The following UGT1A10 variants were observed in gnomAD, a reference collection of about 807,000 sequenced individuals.
UGT1A10 encodes UDP glucuronosyltransferase family 1 member A10.
In UGT1A10, 49 loss-of-function variants were observed where a neutral mutation model predicts 45.8. The ratio of observed to expected loss-of-function variants is 1.07; its 90% CI spans 0.85 to 1.36. The LOEUF is 1.36. Ranked by LOEUF, UGT1A10 falls within the 40% of genes most tolerant of loss-of-function variation. The probability of loss-of-function intolerance (pLI) is 0.00; values close to 1 mark genes in which losing one functional copy is unlikely to be tolerated. For synonymous variants in UGT1A10, 284 were observed against 249.7 expected (o/e 1.14, Z -1.29); for missense variants, 745 against 668.6 (o/e 1.11, Z -1.26).
chr2:233,740,012 T>A (rs1691282549), intron 1 of UGT1A10, among the ~76,000 whole-genome samples: 1 of 151,864 alleles, frequency 6.6e-6, no homozygotes, highest in African/African-American at 2.4e-5. Flanking sequence ...AAGTGAGTTC[T>A]CATGAGAGCT....
chr2:233,758,119 CATAAAT>C (rs775438808), intron 1 of UGT1A10, among the ~76,000 whole-genome samples: 2 of 152,188 alleles, frequency 1.3e-5, no homozygotes, highest in Admixed American at 6.5e-5. Flanking sequence ...TCACACGTTC[CATAAAT>C]ATTTGGCAGA....
At chr2:233,714,498 TA>T (rs1254150300) in intron 1 of UGT1A10, among the ~76,000 whole-genome samples, 1 of 152,156 alleles carries the variant, frequency 6.6e-6, no homozygotes, top group Non-Finnish European at 1.5e-5. Flanking sequence ...AGACACTACT[TA>T]AAAAAAATTC....
intron 1 of UGT1A10, among the ~76,000 whole-genome samples, chr2:233,644,134 A>C (rs569497279): frequency 1.3e-5 from 2 of 151,998 alleles, no homozygotes; most frequent in African/African-American, 4.8e-5. Context: ...CTCACCTAAG[A>C]GTTGCAATCT....
chr2:233,751,620 T>A (rs1457712151), intron 1 of UGT1A10, among the ~76,000 whole-genome samples: 2 of 152,180 alleles, frequency 1.3e-5, no homozygotes, highest in Non-Finnish European at 2.9e-5. Flanking sequence ...GGTGATTGGA[T>A]CATGTGTGCA....
chr2:233,755,963 C>T (rs557149138), intron 1 of UGT1A10: 1 of 152,200 alleles, frequency 6.6e-6, no homozygotes, highest in South Asian at 2.1e-4. Flanking sequence ...GTACTTGGCT[C>T]TATAGAGAGG....
At chr2:233,722,501 C>T (rs767685172) in intron 1 of UGT1A10, among the ~76,000 whole-genome samples, 36 of 152,106 alleles carry the variant, frequency 2.4e-4, no homozygotes, top group Non-Finnish European at 3.8e-4. Context: ...TTTTCCGTTT[C>T]GTTAATTGCA....
At chr2:233,724,616 A>G (rs1272426600) in intron 1 of UGT1A10, among the ~76,000 whole-genome samples, 3 of 132,176 alleles carry the variant, frequency 2.3e-5, no homozygotes, top group Non-Finnish European at 4.8e-5. Flanking sequence ...CCGGGCAGAG[A>G]CGCTCCTCAC....
chr2:233,709,022 A>G (rs1052835676), intron 1 of UGT1A10, among the ~76,000 whole-genome samples: 2 of 152,110 alleles, frequency 1.3e-5, no homozygotes, highest in African/African-American at 4.8e-5. Context: ...CCCAAGCAGC[A>G]GGGGCTTCAG....
At chr2:233,734,087 C>A (rs2078476920) in intron 1 of UGT1A10, among the ~76,000 whole-genome samples, 1 of 151,836 alleles carries the variant, frequency 6.6e-6, no homozygotes, top group East Asian at 1.9e-4. Context: ...GCACATGCAC[C>A]CTAAAACTTA....
intron 1 of UGT1A10, chr2:233,718,888 A>G (rs1440717664): frequency 6.2e-7 from 1 of 1,613,998 alleles, no homozygotes; most frequent in Non-Finnish European, 8.5e-7. Context: ...CTCAGTGTCC[A>G]GCCCTGGGCT....
chr2:233,751,126 G>C (rs1694648439), intron 1 of UGT1A10, among the ~76,000 whole-genome samples: 1 of 151,986 alleles, frequency 6.6e-6, no homozygotes, highest in East Asian at 1.9e-4. Flanking sequence ...TGTCCAAGTT[G>C]CCTGAGACTG....
intron 1 of UGT1A10, among the ~76,000 whole-genome samples, chr2:233,642,486 G>A (rs545585039): frequency 2.5e-4 from 38 of 152,258 alleles, no homozygotes; most frequent in Admixed American, 1.7e-3. Flanking sequence ...CTGAAAGGTC[G>A]CTTATATCTG....
chr2:233,739,772 T>C (rs1691199757), intron 1 of UGT1A10, among the ~76,000 whole-genome samples: 1 of 152,174 alleles, frequency 6.6e-6, no homozygotes, highest in South Asian at 2.1e-4. Context: ...AGTGCTGAAA[T>C]GAGTTAAGAC....
At chr2:233,672,317 T>C (rs1348255979) in intron 1 of UGT1A10, 1 of 1,614,102 alleles carries the variant, frequency 6.2e-7, no homozygotes, top group East Asian at 2.2e-5. Context: ...AGGAGTTTGT[T>C]TAAAGACAAA....
intron 1 of UGT1A10, chr2:233,647,847 GTTTTCTCCA>G: frequency 1.6e-6 from 2 of 1,228,044 alleles, no homozygotes; most frequent in Non-Finnish European, 2.2e-6. Context: ...GGTGTCATTG[GTTTTCTCCA>G]TTGTTTTTCT....
chr2:233,728,786 G>A (rs944510935), intron 1 of UGT1A10, among the ~76,000 whole-genome samples: 1 of 152,188 alleles, frequency 6.6e-6, no homozygotes, highest in Non-Finnish European at 1.5e-5. Context: ...GATAAACATG[G>A]TTAACAGAGA....
At chr2:233,726,263 T>C (rs2077520511) in intron 1 of UGT1A10, among the ~76,000 whole-genome samples, 1 of 152,204 alleles carries the variant, frequency 6.6e-6, no homozygotes, top group African/African-American at 2.4e-5. Flanking sequence ...TGCAGTGGCA[T>C]GCGCCTATGG....
At chr2:233,662,309 T>A (rs1230181500) in intron 1 of UGT1A10, among the ~76,000 whole-genome samples, 1 of 152,212 alleles carries the variant, frequency 6.6e-6, no homozygotes, top group African/African-American at 2.4e-5. Context: ...TTTTCTTAAT[T>A]TTTTCACTAT....
At chr2:233,755,289 T>G in intron 1 of UGT1A10, 1 of 651,342 alleles carries the variant, frequency 1.5e-6, no homozygotes, top group East Asian at 5.8e-5. Flanking sequence ...CCAAAGAGCC[T>G]GCGGGGCACT....
Sources: allele counts gnomAD v4.1 joint callset (sites outside exome capture counted in the v4.1 genomes callset), GRCh38; gene constraint gnomAD v4.1.1; transcripts MANE v1.5; gene names NCBI Gene and HGNC (gene_info 2026-07-23, HGNC 2026-07-21).